Variants in PLPPR1 observed in about 807,000 individuals in gnomAD.
PLPPR1 encodes the protein phospholipid phosphatase related 1.
A neutral mutation model predicts 33.1 loss-of-function variants in PLPPR1; 10 were observed. The ratio of observed to expected loss-of-function variants is 0.30; its 90% CI spans 0.19 to 0.51. The LOEUF is 0.51. PLPPR1 is among the 20% of genes least tolerant of loss of function. The probability of loss-of-function intolerance (pLI) is 0.97; values close to 1 mark genes in which losing one functional copy is unlikely to be tolerated. For synonymous variants in PLPPR1, 151 were observed against 151.0 expected (o/e 1.00, Z 0.00); for missense variants, 304 against 408.1 (o/e 0.74, Z 2.20).
chr9:101,118,062 G>C (rs1020786731), intron 1 of PLPPR1, among the ~76,000 whole-genome samples: 4 of 152,196 alleles, frequency 2.6e-5, no homozygotes, highest in Non-Finnish European at 4.4e-5. Context: ...ATGGGTGAAA[G>C]AAGATAAAAT....
chr9:101,271,588 A>G (rs1459762895), intron 3 of PLPPR1, among the ~76,000 whole-genome samples: 6 of 152,208 alleles, frequency 3.9e-5, no homozygotes, highest in Non-Finnish European at 1.5e-5. Flanking sequence ...ACACCTTTCC[A>G]TGTACCTCAC....
intron 1 of PLPPR1, among the ~76,000 whole-genome samples, chr9:101,029,859 G>A (rs1262359774): frequency 6.6e-6 from 1 of 152,224 alleles, no homozygotes; most frequent in Middle Eastern, 3.2e-3. Flanking sequence ...GCTGAACAGG[G>A]GCTGCTGCTG....
At chr9:101,251,254 G>A (rs1356424281) in intron 2 of PLPPR1, among the ~76,000 whole-genome samples, 1 of 152,068 alleles carries the variant, frequency 6.6e-6, no homozygotes, top group East Asian at 1.9e-4. Flanking sequence ...TAGGTGCTCA[G>A]CAAAAGTTTA....
chr9:101,148,353 A>G (rs1831545722), intron 1 of PLPPR1, among the ~76,000 whole-genome samples: 1 of 152,180 alleles, frequency 6.6e-6, no homozygotes, highest in African/African-American at 2.4e-5. Context: ...AACTCCTGCA[A>G]AAAGCTCTTA....
chr9:101,309,786 T>C (rs896008595), intron 5 of PLPPR1, among the ~76,000 whole-genome samples: 2 of 151,908 alleles, frequency 1.3e-5, no homozygotes, highest in Non-Finnish European at 2.9e-5. Flanking sequence ...CTCCTGGTAC[T>C]GTGTCTGAGA....
intron 1 of PLPPR1, among the ~76,000 whole-genome samples, chr9:101,152,402 A>C (rs1189492887): frequency 6.6e-6 from 1 of 152,176 alleles, no homozygotes; most frequent in East Asian, 1.9e-4. Context: ...CTTGAGTTTA[A>C]TTAGATCCCA....
chr9:101,071,381 G>T (rs1050326634), intron 1 of PLPPR1, among the ~76,000 whole-genome samples: 1 of 152,122 alleles, frequency 6.6e-6, no homozygotes, highest in African/African-American at 2.4e-5. Flanking sequence ...ATGTAACCTG[G>T]TGGAAATGTA....
chr9:101,079,516 A>G (rs1830590872), intron 1 of PLPPR1, among the ~76,000 whole-genome samples: 1 of 151,782 alleles, frequency 6.6e-6, no homozygotes, highest in Non-Finnish European at 1.5e-5. Flanking sequence ...AAGGGCTTCT[A>G]GATCAAAACT....
intron 4 of PLPPR1, among the ~76,000 whole-genome samples, chr9:101,292,889 G>A (rs947171643): frequency 1.3e-5 from 2 of 151,872 alleles, no homozygotes; most frequent in East Asian, 1.9e-4. Flanking sequence ...GGAAGAAACT[G>A]CATCAACTAA....
At chr9:101,188,289 A>G (rs1488669856) in intron 2 of PLPPR1, among the ~76,000 whole-genome samples, 1 of 152,126 alleles carries the variant, frequency 6.6e-6, no homozygotes, top group Non-Finnish European at 1.5e-5. Context: ...GCTAGGGGAT[A>G]ATTACATTTG....
chr9:101,130,601 T>C (rs1831302798), intron 1 of PLPPR1, among the ~76,000 whole-genome samples: 1 of 152,228 alleles, frequency 6.6e-6, no homozygotes, highest in African/African-American at 2.4e-5. Context: ...TCAGTTTGAT[T>C]TTAATTCTGC....
chr9:101,095,833 G>A (rs1224398737), intron 1 of PLPPR1, among the ~76,000 whole-genome samples: 1 of 152,080 alleles, frequency 6.6e-6, no homozygotes, highest in African/African-American at 2.4e-5. Context: ...TTCATAATAA[G>A]TTCTCAATCA....
chr9:101,233,928 CA>C (rs1412080211), intron 2 of PLPPR1, among the ~76,000 whole-genome samples: 1 of 151,924 alleles, frequency 6.6e-6, no homozygotes, highest in Non-Finnish European at 1.5e-5. Context: ...CATGTAATTC[CA>C]AAGTCAGCTA....
intron 2 of PLPPR1, among the ~76,000 whole-genome samples, chr9:101,247,196 C>A (rs1301094891): frequency 6.6e-6 from 1 of 151,994 alleles, no homozygotes; most frequent in African/African-American, 2.4e-5. Context: ...AAGCCATGAG[C>A]AGCAGCTCCT....
chr9:101,299,307 T>G (rs1828704817), intron 4 of PLPPR1, among the ~76,000 whole-genome samples: 1 of 152,196 alleles, frequency 6.6e-6, no homozygotes, highest in African/African-American at 2.4e-5. Context: ...AGATGTTTGC[T>G]GCTTCCTACT....
chr9:101,047,950 A>C (rs1830173852), intron 1 of PLPPR1, among the ~76,000 whole-genome samples: 2 of 152,126 alleles, frequency 1.3e-5, no homozygotes, highest in South Asian at 4.1e-4. Flanking sequence ...TTTAATGTTG[A>C]AGGAAGTGAT....
At chr9:101,165,364 AT>A (rs1306507657) in intron 1 of PLPPR1, among the ~76,000 whole-genome samples, 1 of 152,158 alleles carries the variant, frequency 6.6e-6, no homozygotes, top group Non-Finnish European at 1.5e-5. Context: ...GTTATGAATG[AT>A]TGACTGAGTT....
chr9:101,323,604 C>T (rs1012356523), intron 7 of PLPPR1, among the ~76,000 whole-genome samples: 3 of 151,940 alleles, frequency 2.0e-5, no homozygotes, highest in African/African-American at 7.3e-5. Flanking sequence ...CTTTGGGAGG[C>T]TGGGGCGGGT....
chr9:101,048,788 G>T (rs948755827), intron 1 of PLPPR1, among the ~76,000 whole-genome samples: 1 of 152,162 alleles, frequency 6.6e-6, no homozygotes. Context: ...CTACAGGGTG[G>T]CTATCCACTA....
Sources: allele counts gnomAD v4.1 joint callset (sites outside exome capture counted in the v4.1 genomes callset), GRCh38; gene constraint gnomAD v4.1.1; transcripts MANE v1.5; gene names NCBI Gene and HGNC (gene_info 2026-07-23, HGNC 2026-07-21).